Variants in AOPEP observed in about 807,000 individuals in gnomAD.
The protein encoded by AOPEP is aminopeptidase O (putative).
AOPEP carries 77 observed loss-of-function variants against 98.1 expected under a neutral mutation model. The ratio of observed to expected loss-of-function variants is 0.78; its 90% CI spans 0.65 to 0.95. The LOEUF is 0.95. Ranked by LOEUF, AOPEP falls within the 40% of genes least tolerant of loss-of-function variation. The pLI, the probability that AOPEP is intolerant of heterozygous loss-of-function variation, is 0.00. For missense variants in AOPEP, 1,024 were observed against 1,024.7 expected (o/e 1.00, Z 0.01); for synonymous variants, 346 against 365.3 (o/e 0.95, Z 0.60).
intron 3 of AOPEP, among the ~76,000 whole-genome samples, chr9:94,782,545 A>G (rs1198457967): frequency 1.3e-5 from 2 of 152,214 alleles, no homozygotes; most frequent in Non-Finnish European, 2.9e-5. Context: ...ACTGAAAGCC[A>G]ACTTTTCAAA....
At chr9:94,983,191 A>T (rs2060301288) in intron 11 of AOPEP, among the ~76,000 whole-genome samples, 1 of 151,964 alleles carries the variant, frequency 6.6e-6, no homozygotes, top group Non-Finnish European at 1.5e-5. Flanking sequence ...ATGCCTGCTA[A>T]TTTTTGTATT....
chr9:95,034,927 C>T (rs992738571), intron 13 of AOPEP, among the ~76,000 whole-genome samples: 1 of 151,908 alleles, frequency 6.6e-6, no homozygotes, highest in African/African-American at 2.4e-5. Context: ...CATCCAATAA[C>T]ACCCAACATT....
the AOPEP span, among the ~76,000 whole-genome samples, chr9:95,094,922 C>T: frequency 6.6e-6 from 1 of 152,306 alleles, no homozygotes; most frequent in Non-Finnish European, 1.5e-5. Context: ...CCTGGGCCTC[C>T]CAAAGTGTAG....
chr9:94,876,006 A>T (rs557672179), intron 5 of AOPEP, among the ~76,000 whole-genome samples: 31 of 152,374 alleles, frequency 2.0e-4, no homozygotes, highest in African/African-American at 6.5e-4. Context: ...AGAGGATGAT[A>T]TCAAAAGAGC....
At chr9:94,917,157 C>T (rs532208464) in intron 5 of AOPEP, among the ~76,000 whole-genome samples, 120 of 152,282 alleles carry the variant, frequency 7.9e-4, no homozygotes, top group African/African-American at 2.8e-3. Flanking sequence ...GTATGCAGGG[C>T]TGAGGTCTCC....
chr9:94,931,904 G>A (rs1588953191), intron 7 of AOPEP: 1 of 1,195,450 alleles, frequency 8.4e-7, no homozygotes, highest in Non-Finnish European at 1.2e-6. Flanking sequence ...TCTCTTGCTG[G>A]CAGGTTAACA....
At position 94,954,472 on chromosome 9, in the gene AOPEP, G is replaced by A. The variant is rs923509861; in HGVS notation, c.1662-705G>A. On this transcript the variant is annotated intron_variant, in intron 7 of 16. Transcript: ENST00000375315. ...CAGCTGATAAGCTAAGGAAAAAATC[G>A]CAAAAAAATCTCGTAATGTTTTAAG... Among the ~76,000 whole-genome samples, 6 of 152,188 alleles carry A rather than the reference G, an allele frequency of 3.9e-5. No individual in the cohort carries two copies. The East Asian group carries it at 9.6e-4, about 24-fold the overall frequency.
At chr9:95,005,050 C>A (rs959691269) in intron 11 of AOPEP, 108 bp from the exon 12 acceptor site, 2 of 417,014 alleles carry the variant, frequency 4.8e-6, no homozygotes, top group African/African-American at 4.4e-5. Flanking sequence ...CTGCGTCCTC[C>A]CCGGCCGCGG....
the AOPEP span, among the ~76,000 whole-genome samples, chr9:95,133,678 A>C: frequency 6.6e-6 from 1 of 152,226 alleles, no homozygotes; most frequent in African/African-American, 2.4e-5. Context: ...AGAATTTTTC[A>C]ATAGGGAGAA....
At chr9:94,757,172 A>G (rs926383968) in intron 1 of AOPEP, among the ~76,000 whole-genome samples, 1 of 152,236 alleles carries the variant, frequency 6.6e-6, no homozygotes, top group Non-Finnish European at 1.5e-5. Flanking sequence ...AGAAGGTAAT[A>G]CTTATGAAGA....
At chr9:94,733,632 A>G (rs1304715171) in intron 1 of AOPEP, among the ~76,000 whole-genome samples, 1 of 152,218 alleles carries the variant, frequency 6.6e-6, no homozygotes, top group Non-Finnish European at 1.5e-5. Context: ...CTTAAAGGAA[A>G]ATAAACTGTT....
intron 15 of AOPEP, among the ~76,000 whole-genome samples, chr9:95,082,020 G>C (rs981471743): frequency 6.6e-6 from 1 of 151,958 alleles, no homozygotes; most frequent in Non-Finnish European, 1.5e-5. Flanking sequence ...GAGCCGGTGC[G>C]GGCTACGGTG....
the AOPEP span, among the ~76,000 whole-genome samples, chr9:95,102,179 T>C: frequency 3.3e-5 from 5 of 152,208 alleles, no homozygotes; most frequent in African/African-American, 7.2e-5. Context: ...TCACAAGTTG[T>C]GGGATGATCC....
chr9:95,094,958 C>A, the AOPEP span, among the ~76,000 whole-genome samples: 1 of 152,236 alleles, frequency 6.6e-6, no homozygotes, highest in African/African-American at 2.4e-5. Flanking sequence ...AGGCTGAGGA[C>A]CATCCTGCCA....
At chr9:94,961,802 A>G (rs755748578) in intron 9 of AOPEP, among the ~76,000 whole-genome samples, 14 of 152,096 alleles carry the variant, frequency 9.2e-5, no homozygotes, top group Non-Finnish European at 1.9e-4. Context: ...CTTATCTTTT[A>G]TGTGTTATGC....
At chr9:94,973,794 T>C (rs1439097111) in intron 10 of AOPEP, among the ~76,000 whole-genome samples, 3 of 152,240 alleles carry the variant, frequency 2.0e-5, no homozygotes, top group Admixed American at 2.0e-4. Context: ...TGATCAGACA[T>C]GCAGAAGAGT....
At chr9:94,737,142 TTC>T (rs1310935763) in intron 1 of AOPEP, among the ~76,000 whole-genome samples, 1 of 152,022 alleles carries the variant, frequency 6.6e-6, no homozygotes, top group African/African-American at 2.4e-5. Flanking sequence ...TTCTTTTTTT[TTC>T]TGTTAGACAG....
At chr9:94,829,494 A>G (rs1187008416) in intron 5 of AOPEP, among the ~76,000 whole-genome samples, 1 of 152,206 alleles carries the variant, frequency 6.6e-6, no homozygotes, top group Non-Finnish European at 1.5e-5. Flanking sequence ...AAAGAGAAGT[A>G]AGAAACTTTT....
the AOPEP span, chr9:95,110,201 G>A: frequency 2.1e-6 from 2 of 967,678 alleles, no homozygotes; most frequent in Non-Finnish European, 2.5e-6. Flanking sequence ...AGTAGAAGAT[G>A]TGCCAATGTA....
Sources: allele counts gnomAD v4.1 joint callset (sites outside exome capture counted in the v4.1 genomes callset), GRCh38; gene constraint gnomAD v4.1.1; transcripts MANE v1.5; gene names NCBI Gene and HGNC (gene_info 2026-07-23, HGNC 2026-07-21).